ANKRD10: variants seen among roughly 807,000 people sequenced by gnomAD.
The protein encoded by ANKRD10 is ankyrin repeat domain-containing protein 10.
Under a neutral mutation model 27.0 loss-of-function variants are expected in ANKRD10, and 14 were observed. The observed-to-expected ratio is 0.52, with a 90% CI of 0.34 to 0.81. The LOEUF (loss-of-function observed/expected upper bound fraction) is 0.81. Ranked by LOEUF, ANKRD10 falls within the 40% of genes least tolerant of loss-of-function variation. The pLI, the probability that ANKRD10 is intolerant of heterozygous loss-of-function variation, is 0.01. For missense variants in ANKRD10, 493 were observed against 544.0 expected (o/e 0.91, Z 0.93); for synonymous variants, 250 against 224.5 (o/e 1.11, Z -1.01).
intron 3 of ANKRD10, chr13:110,900,636 T>C (rs772356334): frequency 6.1e-5 from 82 of 1,351,962 alleles, no homozygotes; most frequent in Non-Finnish European, 7.7e-5. Context: ...AGTTTCTATA[T>C]GGAATGCTCC....
intron 3 of ANKRD10, among the ~76,000 whole-genome samples, chr13:110,899,900 TGAATA>T (rs1201677020): frequency 1.3e-5 from 2 of 152,180 alleles, no homozygotes; most frequent in African/African-American, 4.8e-5. Context: ...TTTCTTATTC[TGAATA>T]GAATATTAAA....
chr13:110,897,360 G>C (rs1426520591), intron 3 of ANKRD10, among the ~76,000 whole-genome samples: 1 of 143,788 alleles, frequency 7.0e-6, no homozygotes, highest in Non-Finnish European at 1.5e-5. Context: ...CAGGCCTCAA[G>C]TGATCCTCCC....
intron 3 of ANKRD10, chr13:110,894,075 G>C (rs1285760327): frequency 2.8e-6 from 4 of 1,436,906 alleles, no homozygotes; most frequent in Non-Finnish European, 3.9e-6. Context: ...AAGTGAAAGA[G>C]CTGAATAAAA....
intron 4 of ANKRD10, among the ~76,000 whole-genome samples, chr13:110,890,780 T>G (rs918755264): frequency 6.2e-5 from 9 of 146,302 alleles, no homozygotes; most frequent in Non-Finnish European, 9.1e-5. Context: ...GGACCAGGAA[T>G]GTATAGTTTG....
Position 110,880,054 on chromosome 13 carries a change from T to A in ANKRD10, c.846A>T (p.Gly282=), listed in dbSNP as rs777051024. 2 of 1,614,026 alleles carry A rather than the reference T, an allele frequency of 1.2e-6. No individual in the cohort carries two copies. The highest frequency in any genetic ancestry group is 2.7e-5 in the African/African-American group (2 of 74,900). The change falls in exon 6 of 6, where the codon GGA becomes GGT. Residue 282 remains glycine, a synonymous_variant. Transcript: ENST00000267339. ...NTLTNGCVIN[G]HLDFPSTTPL... ...GGGTCGTGGAGGGGAAGTCCAAATG[T>A]CCATTGATGACACATCCATTTGTCA... is the stretch of plus-strand genomic sequence containing the variant.
chr13:110,914,092 A>T (rs1393769461), intron 1 of ANKRD10, among the ~76,000 whole-genome samples: 1 of 152,224 alleles, frequency 6.6e-6, no homozygotes, highest in Non-Finnish European at 1.5e-5. Flanking sequence ...TACAAGCCTT[A>T]AAGCAAACCC....
chr13:110,899,606 A>T (rs974487557), intron 3 of ANKRD10, among the ~76,000 whole-genome samples: 1 of 152,240 alleles, frequency 6.6e-6, no homozygotes, highest in Admixed American at 6.5e-5. Context: ...TCAGATTTTT[A>T]GGCTAGCAAG....
chr13:110,883,412 C>T, intron 5 of ANKRD10: 2 of 757,358 alleles, frequency 2.6e-6, no homozygotes, highest in Non-Finnish European at 3.4e-6. Flanking sequence ...TTTTCATGTC[C>T]ACAGAATATA....
intron 4 of ANKRD10, among the ~76,000 whole-genome samples, chr13:110,888,388 A>C (rs907650951): frequency 4.2e-4 from 64 of 152,046 alleles, no homozygotes; most frequent in Non-Finnish European, 7.4e-5. Context: ...TCACATCTTC[A>C]GGGATCAAGA....
chr13:110,881,936 G>A (rs1391461839), intron 5 of ANKRD10, among the ~76,000 whole-genome samples: 1 of 152,062 alleles, frequency 6.6e-6, no homozygotes, highest in Non-Finnish European at 1.5e-5. Flanking sequence ...GACCTCCAAC[G>A]CTCTCCCTTC....
intron 3 of ANKRD10, among the ~76,000 whole-genome samples, chr13:110,898,648 T>C (rs996336952): frequency 6.6e-6 from 1 of 152,012 alleles, no homozygotes; most frequent in African/African-American, 2.4e-5. Context: ...CAGCTCACTG[T>C]AGCCTCGTCT....
intron 5 of ANKRD10, among the ~76,000 whole-genome samples, chr13:110,881,327 T>A (rs1359180992): frequency 6.6e-6 from 1 of 152,216 alleles, no homozygotes; most frequent in African/African-American, 2.4e-5. Context: ...ACTCTTCCCA[T>A]AGAGGGCTTC....
chr13:110,910,551 C>A, intron 2 of ANKRD10, 67 bp downstream of exon 2: 1 of 1,577,338 alleles, frequency 6.3e-7, no homozygotes, highest in Non-Finnish European at 8.6e-7. Flanking sequence ...TAAAGCAATA[C>A]CGTGTATAAT....
chr13:110,892,608 G>T, intron 4 of ANKRD10: 1 of 504,922 alleles, frequency 2.0e-6, no homozygotes, highest in Non-Finnish European at 2.6e-6. Context: ...CTTCCCGAAT[G>T]TGAAAATGTT....
intron 4 of ANKRD10, among the ~76,000 whole-genome samples, chr13:110,889,337 GA>G (rs1356639099): frequency 6.6e-6 from 1 of 151,982 alleles, no homozygotes; most frequent in East Asian, 1.9e-4. Context: ...CCACACTGAG[GA>G]AAGTATTATC....
Position 110,883,518 on chromosome 13 carries a change from C to T in ANKRD10, c.787+180G>A, listed in dbSNP as rs1566446590. ...CACTGGACAACAAAGTGCAAAACAT[C>T]TGAGAAAAACTTATGTTAGAAATAA... On this transcript the variant is annotated intron_variant, in intron 5 of 5. Coordinates refer to ENST00000267339, the MANE Select transcript of ANKRD10 (RefSeq NM_017664.4). 3 of 1,334,774 alleles carry T rather than the reference C, an allele frequency of 2.2e-6. No individual in the cohort carries two copies. In the East Asian group the frequency reaches 8.2e-5, roughly 37 times the overall value. 82.7% of individuals were successfully genotyped at this position (1,334,774 alleles called of 1,614,324 possible). A position where few individuals can be genotyped will look rare whatever the true frequency, so the allele number is the denominator to read the frequency against.
Position 110,910,789 on chromosome 13 carries a change from T to C in ANKRD10, c.211-19A>G. On this transcript the variant is annotated intron_variant, in intron 1 of 5. Transcript: ENST00000267339. ...ACTCCAACTTCGAAAACAAGAGGGG[T>C]AATGAAAACACGCAGACATGTCAGT... The C allele has an allele frequency of 6.2e-7, 1 of 1,609,590 alleles. No individual in the cohort carries two copies. The highest frequency in any genetic ancestry group is 2.2e-5 in the East Asian group (1 of 44,798).
At chr13:110,891,494 A>G (rs940977192) in intron 4 of ANKRD10, among the ~76,000 whole-genome samples, 1 of 152,240 alleles carries the variant, frequency 6.6e-6, no homozygotes, top group Non-Finnish European at 1.5e-5. Flanking sequence ...TTCATACATT[A>G]CTATAAAAAG....
At position 110,906,067 on chromosome 13, in the gene ANKRD10, T is replaced by G. The variant is rs527898975; in HGVS notation, c.421A>C (p.Ile141Leu). Reference protein sequence around the residue: ...KAARSGSLECISALVANGAHV... With the variant: ...KAARSGSLECLSALVANGAHV... ...GCCCCATTCGCCACAAGGGCACTGA[T>G]GCATTCTAGGCTCCCAGAGCGAGCT... is the stretch of plus-strand genomic sequence containing the variant. Residue 141 changes from isoleucine (I) to leucine (L), a missense_variant, in exon 3 of 6, where the codon ATC (isoleucine) becomes CTC (leucine). By Grantham distance (5) the Ile-to-Leu change is conservative. Coordinates refer to ENST00000267339, the MANE Select transcript of ANKRD10 (RefSeq NM_017664.4). 2 of 1,604,476 alleles carry G rather than the reference T, an allele frequency of 1.2e-6. No individual in the cohort carries two copies. The highest frequency in any genetic ancestry group is 1.3e-5 in the African/African-American group (1 of 74,996).
Sources: allele counts gnomAD v4.1 joint callset (sites outside exome capture counted in the v4.1 genomes callset), GRCh38; gene constraint gnomAD v4.1.1; transcripts MANE v1.5; gene names NCBI Gene and HGNC (gene_info 2026-07-23, HGNC 2026-07-21).